Variants in SLC30A7 observed in about 807,000 individuals in gnomAD.
The protein encoded by SLC30A7 is zinc transporter 7.
SLC30A7 carries 35 observed loss-of-function variants against 46.0 expected under a neutral mutation model. The ratio of observed to expected loss-of-function variants is 0.76; its 90% CI spans 0.58 to 1.01. The LOEUF is 1.01. SLC30A7 is among the 50% of genes least tolerant of loss of function. SLC30A7 has a pLI of 0.00. For synonymous variants in SLC30A7, 147 were observed against 157.8 expected (o/e 0.93, Z 0.51); for missense variants, 464 against 451.1 (o/e 1.03, Z -0.26).
rs1654557940 is a variant in SLC30A7 at position 100,945,173 on chromosome 1, A to G, written c.843-16655A>G. Reference sequence around the variant, plus strand: ...TAAATTTGTTTTAAGTTCTTTGTAGATTCTGGATATTAGCCCTTTGTCAGA... The same window carrying G: ...TAAATTTGTTTTAAGTTCTTTGTAGGTTCTGGATATTAGCCCTTTGTCAGA... On this transcript the variant is annotated intron_variant, in intron 8 of 10. Transcript: ENST00000357650. 2.0e-5 allele frequency among the ~76,000 whole-genome samples: 3 copies of G among 152,112 alleles called. No individual in the cohort carries two copies. In the East Asian group the frequency reaches 5.8e-4, roughly 29 times the overall value.
Position 100,975,011 on chromosome 1 carries a change from G to C in SLC30A7, c.*154G>C. The stretch of plus-strand genomic sequence containing the variant: ...GTAGAGTCAGCCGTTCATGCTTTGT[G>C]GGGAGTTCACAGCTAAGGGATCAGA... On this transcript the variant is annotated 3_prime_UTR_variant, in exon 11 of 11. Coordinates refer to ENST00000357650, the MANE Select transcript of SLC30A7 (RefSeq NM_133496.5). 2.1e-6 allele frequency: 1 copy of C among 479,092 alleles called. No homozygotes were observed. 29.7% of individuals were successfully genotyped at this position (479,092 alleles called of 1,614,324 possible).
intron 8 of SLC30A7, among the ~76,000 whole-genome samples, chr1:100,948,914 GT>G (rs1654798204): frequency 1.3e-5 from 2 of 152,056 alleles, no homozygotes; most frequent in Admixed American, 1.3e-4. Context: ...TCTCTACACT[GT>G]TTAGTTAGTC....
intron 6 of SLC30A7, among the ~76,000 whole-genome samples, chr1:100,914,994 T>C (rs981626833): frequency 5.9e-5 from 9 of 152,096 alleles, no homozygotes; most frequent in African/African-American, 1.7e-4. Flanking sequence ...CAGATAAATA[T>C]TTAATGTATA....
At position 100,896,661 on chromosome 1, in the gene SLC30A7, T is replaced by A. The variant is rs769981713; in HGVS notation, c.172T>A (p.Trp58Arg). Residue 58 changes from tryptophan (W) to arginine (R), a missense_variant, in exon 2 of 11, where the codon TGG (tryptophan) becomes AGG (arginine). Physicochemically the swap from Trp to Arg is moderately radical, Grantham distance 101. Transcript: ENST00000357650. ...TTTTGTGGAACTACTCTACGGCATC[T>A]GGAGCAACTGGTAACCAAAGGGGAA... The part of the protein sequence containing the change: ...FAFVELLYGI[W>R]SNCLGLISDS... 3.1e-6 allele frequency: 5 copies of A among 1,613,792 alleles called. No homozygotes were observed. The Admixed American group carries it at 8.3e-5, about 27-fold the overall frequency.
the SLC30A7 span, chr1:100,992,886 C>A: frequency 2.0e-6 from 1 of 512,492 alleles, no homozygotes; most frequent in Non-Finnish European, 3.5e-6. Context: ...TTTAAGCATA[C>A]ACAAAAGCAT....
chr1:100,931,237 G>A (rs1204264251), intron 8 of SLC30A7, among the ~76,000 whole-genome samples: 1 of 152,098 alleles, frequency 6.6e-6, no homozygotes, highest in Non-Finnish European at 1.5e-5. Context: ...AGGATCTGAG[G>A]ATACAGTATC....
chr1:100,983,736 G>A (rs1044029897), downstream of SLC30A7, among the ~76,000 whole-genome samples: 1 of 152,206 alleles, frequency 6.6e-6, no homozygotes, highest in African/African-American at 2.4e-5. Flanking sequence ...TTGTTTAAAT[G>A]TGGTATTTTT....
chr1:100,994,446 A>G, the SLC30A7 span, among the ~76,000 whole-genome samples: 2 of 152,136 alleles, frequency 1.3e-5, no homozygotes, highest in Non-Finnish European at 2.9e-5. Context: ...GATTAGTACT[A>G]TCATTATACA....
In SLC30A7 at chr1:100,918,062, C is replaced by G; in HGVS notation, c.656-15C>G. ...GAATTGAAAACATGTTTTAAAATAACTTAATTCTCTACAGATGGCCCGTCC... is the reference window on the plus strand; with the variant it reads ...GAATTGAAAACATGTTTTAAAATAAGTTAATTCTCTACAGATGGCCCGTCC... On this transcript the variant is annotated splice_polypyrimidine_tract_variant and intron_variant, in intron 6 of 10. Transcript: ENST00000357650. 1 of 1,606,328 alleles carries G rather than the reference C, an allele frequency of 6.2e-7. No individual in the cohort carries two copies. The highest frequency in any genetic ancestry group is 8.5e-7 in the Non-Finnish European group (1 of 1,175,054).
intron 8 of SLC30A7, among the ~76,000 whole-genome samples, chr1:100,945,249 T>C (rs1252004241): frequency 1.3e-5 from 2 of 152,246 alleles, no homozygotes; most frequent in African/African-American, 4.8e-5. Flanking sequence ...CTGTTCACTC[T>C]GACGGTAGTT....
chr1:100,912,888 A>T (rs1387663250), intron 5 of SLC30A7, among the ~76,000 whole-genome samples: 1 of 147,256 alleles, frequency 6.8e-6, no homozygotes. Context: ...AAAAAAAAAA[A>T]AAGTGTGTGT....
chr1:100,900,973 T>C (rs1651270161), intron 2 of SLC30A7, among the ~76,000 whole-genome samples: 1 of 152,234 alleles, frequency 6.6e-6, no homozygotes, highest in Non-Finnish European at 1.5e-5. Flanking sequence ...TCACTGAGCC[T>C]TAACATTTAT....
chr1:100,944,417 G>T (rs560100132), intron 8 of SLC30A7, among the ~76,000 whole-genome samples: 1 of 152,068 alleles, frequency 6.6e-6, no homozygotes, highest in African/African-American at 2.4e-5. Flanking sequence ...AGTCAAAAAC[G>T]TGAAAAGCAT....
At chr1:100,963,610 T>C (rs1360088629) in intron 9 of SLC30A7, among the ~76,000 whole-genome samples, 1 of 152,134 alleles carries the variant, frequency 6.6e-6, no homozygotes, top group Non-Finnish European at 1.5e-5. Context: ...ATTTTTTGTT[T>C]TTAAAGTAGG....
chr1:100,928,574 A>AT (rs1320993467), intron 8 of SLC30A7, among the ~76,000 whole-genome samples: 1 of 151,408 alleles, frequency 6.6e-6, no homozygotes, highest in Non-Finnish European at 1.5e-5. Context: ...TTTCTTTTGG[A>AT]TTTTTTCTTT....
At chr1:100,919,077 G>A (rs1441651810) in intron 7 of SLC30A7, among the ~76,000 whole-genome samples, 1 of 152,098 alleles carries the variant, frequency 6.6e-6, no homozygotes, top group African/African-American at 2.4e-5. Flanking sequence ...TATGTTGTGG[G>A]AAAATTTAGA....
At chr1:100,914,467 G>A (rs777520466) in intron 6 of SLC30A7, among the ~76,000 whole-genome samples, 18 of 152,084 alleles carry the variant, frequency 1.2e-4, no homozygotes, top group Non-Finnish European at 2.5e-4. Context: ...TAAAAATATG[G>A]TGGAGGTTTT....
Position 100,976,823 on chromosome 1 carries a change from C to CT in SLC30A7, c.*1967dup, listed in dbSNP as rs1168500334. The CT allele has an allele frequency of 5.9e-5, 9 of 152,712 alleles. No individual in the cohort carries two copies. Among genetic ancestry groups the CT allele is most frequent in the South Asian group, 4.1e-4 (2 of 4,826 alleles). 9.5% of individuals were successfully genotyped at this position (152,712 alleles called of 1,614,324 possible). A position where few individuals can be genotyped will look rare whatever the true frequency, so the allele number is the denominator to read the frequency against. On this transcript the variant is annotated 3_prime_UTR_variant, in exon 11 of 11. Coordinates refer to ENST00000357650, the MANE Select transcript of SLC30A7 (RefSeq NM_133496.5). ...AAACTGCTGCAGATTGCCGTGAACT[C>CT]TATCAATAGTCTCTTTTCCGCAGGC...
intron 8 of SLC30A7, among the ~76,000 whole-genome samples, chr1:100,923,004 A>ATGTTTTTT (rs1490940276): frequency 2.0e-5 from 1 of 49,110 alleles, no homozygotes; most frequent in African/African-American, 9.2e-5. Context: ...GTTAGAATAG[A>ATGTTTTTT]TTTTTTTTTT....
Sources: allele counts gnomAD v4.1 joint callset (sites outside exome capture counted in the v4.1 genomes callset), GRCh38; gene constraint gnomAD v4.1.1; transcripts MANE v1.5; gene names NCBI Gene and HGNC (gene_info 2026-07-23, HGNC 2026-07-21).